Variants in TMEM245 observed in about 807,000 individuals in gnomAD.
TMEM245 encodes protein CG-2.
In TMEM245, 69 loss-of-function variants were observed where a neutral mutation model predicts 101.2. That is an observed-to-expected ratio of 0.68 (90% CI 0.56 to 0.83). The LOEUF is 0.83. Among genes scored for constraint, TMEM245 ranks in the 40% least tolerant of loss-of-function variants. TMEM245 has a pLI of 0.00. For missense variants in TMEM245, 1,075 were observed against 1,092.8 expected, an observed-to-expected ratio of 0.98 and a Z score of 0.23; for synonymous variants, 537 against 449.8, an observed-to-expected ratio of 1.19 and a Z score of -2.45.
In TMEM245 at chr9:109,083,901, CAAAA is replaced by C. The variant is rs751739620; in HGVS notation, c.1344+2092_1344+2095del. Among the ~76,000 whole-genome samples, 150 of 34,454 alleles carry C rather than the reference CAAAA, an allele frequency of 4.4e-3. 1 individual carries two copies. The East Asian group carries it at 0.091, about 21-fold the overall frequency. The allele number at this position is 34,454 out of a possible 152,430, so 22.6% of individuals were successfully genotyped here. A position where few individuals can be genotyped will look rare whatever the true frequency, so the allele number is the denominator to read the frequency against. ...CAAAACCCCATCTCTACTAAAAATA[CAAAA>C]AAAAAAAAAAAAAAAAAAAAAAAAC... On this transcript the variant is annotated intron_variant, in intron 7 of 17. Transcript: ENST00000374586.
chr9:109,061,935 A>C (rs185700573), intron 10 of TMEM245, among the ~76,000 whole-genome samples: 2 of 152,136 alleles, frequency 1.3e-5, no homozygotes, highest in East Asian at 1.9e-4. Flanking sequence ...GTTTTTAAGG[A>C]TATATATGGA....
chr9:109,117,402 G>A (rs568964741), intron 1 of TMEM245, among the ~76,000 whole-genome samples: 60 of 152,222 alleles, frequency 3.9e-4, no homozygotes, highest in Middle Eastern at 3.4e-3. Flanking sequence ...ACAGGCGTGA[G>A]CCACCGCGCC....
At chr9:109,084,710 A>G (rs1829783366) in intron 7 of TMEM245, among the ~76,000 whole-genome samples, 1 of 152,224 alleles carries the variant, frequency 6.6e-6, no homozygotes, top group Non-Finnish European at 1.5e-5. Flanking sequence ...AAAATTTTTT[A>G]GAAACCACAT....
chr9:109,038,375 T>C (rs1828203394), intron 14 of TMEM245: 1 of 282,048 alleles, frequency 3.5e-6, no homozygotes, highest in Non-Finnish European at 6.5e-6. Flanking sequence ...GATGAAAAAA[T>C]AACTGAAACA....
At chr9:109,046,338 G>A (rs1828493169) in intron 14 of TMEM245, 1 of 532,790 alleles carries the variant, frequency 1.9e-6, no homozygotes. Context: ...GAAGAAGGGT[G>A]TGATGTATAC....
At chr9:109,106,242 T>G (rs577933623) in intron 3 of TMEM245, among the ~76,000 whole-genome samples, 1 of 151,674 alleles carries the variant, frequency 6.6e-6, no homozygotes, top group East Asian at 1.9e-4. Flanking sequence ...AAAATAAAAA[T>G]ATTTTATTTT....
At chr9:109,087,152 C>G (rs747240297) in intron 6 of TMEM245, 21 bp downstream of exon 6, 9 of 1,588,116 alleles carry the variant, frequency 5.7e-6, no homozygotes, top group African/African-American at 2.7e-5. Context: ...TAAGACAGCC[C>G]AAGTCCTTAA....
chr9:109,115,519 A>T (rs996858759), intron 1 of TMEM245, among the ~76,000 whole-genome samples: 1 of 129,644 alleles, frequency 7.7e-6, no homozygotes, highest in African/African-American at 2.9e-5. Flanking sequence ...TAGTAACTGG[A>T]ATCTTTTTTT....
chr9:109,086,872 A>C (rs549029668), intron 6 of TMEM245, among the ~76,000 whole-genome samples: 2 of 152,212 alleles, frequency 1.3e-5, no homozygotes, highest in Non-Finnish European at 2.9e-5. Context: ...TAGCTACATA[A>C]TTTTAGGCAA....
intron 8 of TMEM245, among the ~76,000 whole-genome samples, chr9:109,079,156 G>C (rs953204413): frequency 1.3e-5 from 2 of 152,056 alleles, no homozygotes; most frequent in Non-Finnish European, 2.9e-5. Flanking sequence ...AGATCTCCTA[G>C]TTGCCTACCT....
At chr9:109,118,078 G>A (rs1167188575) in intron 1 of TMEM245, among the ~76,000 whole-genome samples, 1 of 152,236 alleles carries the variant, frequency 6.6e-6, no homozygotes, top group Non-Finnish European at 1.5e-5. Context: ...CTGTATGTCT[G>A]TCATCTCCAT....
chr9:109,040,867 G>A (rs1177006680), intron 14 of TMEM245, among the ~76,000 whole-genome samples: 2 of 152,168 alleles, frequency 1.3e-5, no homozygotes, highest in African/African-American at 4.8e-5. Context: ...GGTGTTTCCA[G>A]TTTGGGGGTA....
chr9:109,070,416 T>G (rs1829297636), intron 9 of TMEM245, among the ~76,000 whole-genome samples: 1 of 152,158 alleles, frequency 6.6e-6, no homozygotes, highest in Non-Finnish European at 1.5e-5. Flanking sequence ...GCTAGAAACA[T>G]AAGTCATGCT....
chr9:109,088,473 G>A (rs1233333378), intron 5 of TMEM245, among the ~76,000 whole-genome samples: 2 of 152,064 alleles, frequency 1.3e-5, no homozygotes, highest in African/African-American at 2.4e-5. Flanking sequence ...TTAAGGAAAA[G>A]AGAGTTGCAA....
At chr9:109,083,917 A>AAC (rs1256812726) in intron 7 of TMEM245, among the ~76,000 whole-genome samples, 2 of 136,462 alleles carry the variant, frequency 1.5e-5, no homozygotes, top group South Asian at 2.3e-4. Context: ...AAAAAAAAAA[A>AAC]AAAAAAAAAA....
Position 109,064,481 on chromosome 9 carries a change from T to A in TMEM245, c.1619A>T (p.His540Leu), listed in dbSNP as rs766285240. 7 of 1,612,810 alleles carry A rather than the reference T, an allele frequency of 4.3e-6. No homozygotes were observed. The highest frequency in any genetic ancestry group is 5.1e-6 in the Non-Finnish European group (6 of 1,179,276). ...AAAGAAAGTTTCTTCCCTTACCTTGTGAGTTATCCATTCTCGTCCATACTG... is the reference window on the plus strand; with the variant it reads ...AAAGAAAGTTTCTTCCCTTACCTTGAGAGTTATCCATTCTCGTCCATACTG... ...VYQYGREWIT[H>L]KLHKILGDKV... Residue 540 changes from histidine (H) to leucine (L), a missense_variant, in exon 10 of 18, where the codon CAC becomes CTC. Around this residue, in one of 2 missense-constraint regions of TMEM245, gnomAD observed 808 missense variants for 741.5 expected, o/e 1.09. Coordinates refer to ENST00000374586, the MANE Select transcript of TMEM245 (RefSeq NM_032012.4).
rs768696339 is a variant in TMEM245 at position 109,119,722 on chromosome 9, G to A, written c.192C>T (p.Cys64=). Residue 64 remains cysteine, a synonymous_variant, in exon 1 of 18, where the codon TGC becomes TGT. Coordinates refer to ENST00000374586, the MANE Select transcript of TMEM245 (RefSeq NM_032012.4). ...CCAGCACCGCGGCGCCGCAGCACAG[G>A]CACACGAACAGCACGGCCCCGGTGT... ...FYNTGAVLFV[C]LCCGAAVLVY... 4.5e-6 allele frequency: 7 copies of A among 1,546,806 alleles called. No individual in the cohort carries two copies. Among genetic ancestry groups the A allele is most frequent in the South Asian group, 1.2e-5 (1 of 84,004 alleles).
chr9:109,073,953 C>G (rs1032437261), intron 8 of TMEM245, among the ~76,000 whole-genome samples: 4 of 151,736 alleles, frequency 2.6e-5, no homozygotes, highest in Non-Finnish European at 4.4e-5. Flanking sequence ...CTCCACCCCC[C>G]ACGTTCAAGC....
At chr9:109,083,916 A>ACAAAAAAACAAAC (rs781014271) in intron 7 of TMEM245, among the ~76,000 whole-genome samples, 1 of 132,502 alleles carries the variant, frequency 7.5e-6, no homozygotes, top group African/African-American at 2.7e-5. Flanking sequence ...AAAAAAAAAA[A>ACAAAAAAACAAAC]AAAAAAAAAA....
Sources: allele counts gnomAD v4.1 joint callset (sites outside exome capture counted in the v4.1 genomes callset), GRCh38; gene constraint gnomAD v4.1.1; regional missense constraint gnomAD v4.1.1; transcripts MANE v1.5; gene names NCBI Gene and HGNC (gene_info 2026-07-23, HGNC 2026-07-21).